Variants in SUV39H2 observed in about 807,000 individuals in gnomAD.
The protein encoded by SUV39H2 is SUV39H2 histone lysine methyltransferase.
A neutral mutation model predicts 47.5 loss-of-function variants in SUV39H2; 10 were observed. The ratio of observed to expected loss-of-function variants is 0.21; its 90% CI spans 0.13 to 0.36. SUV39H2 has a LOEUF of 0.36. SUV39H2 is among the 10% of genes least tolerant of loss of function. The pLI is 1.00. For missense variants in SUV39H2, 266 were observed against 487.4 expected, an observed-to-expected ratio of 0.55 and a Z score of 4.28; for synonymous variants, 159 against 166.8, an observed-to-expected ratio of 0.95 and a Z score of 0.36.
intron 2 of SUV39H2, among the ~76,000 whole-genome samples, chr10:14,882,698 C>G (rs1000927363): frequency 2.7e-4 from 41 of 152,122 alleles, no homozygotes; most frequent in Middle Eastern, 3.2e-3. Context: ...GGGTTTCTTA[C>G]TCTATCCATT....
chr10:14,903,991 T>G lies in SUV39H2; in HGVS notation c.*1479T>G, dbSNP rs542619141. 6.6e-6 allele frequency: 1 copy of G among 152,332 alleles called. No individual in the cohort carries two copies. The highest frequency in any genetic ancestry group is 2.4e-5 in the African/African-American group (1 of 41,590). 9.4% of individuals were successfully genotyped at this position (152,332 alleles called of 1,614,324 possible). A position where few individuals can be genotyped will look rare whatever the true frequency, so the allele number is the denominator to read the frequency against. ...TTGTTTACATGATTGGACCCTCAGA[T>G]TCTGTTAACCAAAATTGCAGAATGG... On this transcript the variant is annotated 3_prime_UTR_variant, in exon 6 of 6. Coordinates refer to ENST00000354919, the MANE Select transcript of SUV39H2 (RefSeq NM_001193424.2).
At chr10:14,887,035 G>T (rs1833232393) in intron 2 of SUV39H2, among the ~76,000 whole-genome samples, 1 of 152,154 alleles carries the variant, frequency 6.6e-6, no homozygotes, top group African/African-American at 2.4e-5. Context: ...GGAGTTAGTT[G>T]GCAGGTTCTA....
At position 14,894,390 on chromosome 10, in the gene SUV39H2, C is replaced by T. The variant is rs1276657148; in HGVS notation, c.178-2456C>T. Among the ~76,000 whole-genome samples, 4 of 36,234 alleles carry T rather than the reference C, an allele frequency of 1.1e-4. 1 individual carries two copies. The highest frequency in any genetic ancestry group is 1.5e-4 in the Non-Finnish European group (4 of 26,968). The allele number at this position is 36,234 out of a possible 152,430, so 23.8% of individuals were successfully genotyped here. A position where few individuals can be genotyped will look rare whatever the true frequency, so the allele number is the denominator to read the frequency against. On this transcript the variant is annotated intron_variant, in intron 2 of 5. Transcript: ENST00000354919. Reference sequence around the variant, plus strand: ...TTTTTTTTTTTTTTTTTTTTTGAGACGGAGTCTCGCTCTGTCGCCCAGGCT... The same window carrying T: ...TTTTTTTTTTTTTTTTTTTTTGAGATGGAGTCTCGCTCTGTCGCCCAGGCT...
Position 14,902,438 on chromosome 10 carries a change from C to T in SUV39H2, c.1159C>T (p.His387Tyr). 1 of 1,610,440 alleles carries T rather than the reference C, an allele frequency of 6.2e-7. No homozygotes were observed. The highest frequency in any genetic ancestry group is 8.5e-7 in the Non-Finnish European group (1 of 1,178,886). ...AGATATATCTTCAGATTCTATTGAC[C>T]ACAGCCCAGCCAAAAAGAGGGTCAG... ...SGDISSDSID[H>Y]SPAKKRVRTV... The change falls in exon 6 of 6, where the codon CAC becomes TAC. Residue 387 changes from histidine to tyrosine, a missense_variant. Transcript: ENST00000354919.
intron 2 of SUV39H2, among the ~76,000 whole-genome samples, chr10:14,882,985 C>A (rs755193936): frequency 6.6e-6 from 1 of 151,812 alleles, no homozygotes; most frequent in Non-Finnish European, 1.5e-5. Context: ...CTCCTGTCTC[C>A]GCCTCCTGAG....
chr10:14,890,929 C>A (rs943591409), intron 2 of SUV39H2, among the ~76,000 whole-genome samples: 2 of 152,116 alleles, frequency 1.3e-5, no homozygotes, highest in African/African-American at 4.8e-5. Flanking sequence ...ATATTACATA[C>A]CTTTTGGTAC....
intron 1 of SUV39H2, chr10:14,879,144 C>T: frequency 8.1e-7 from 1 of 1,228,466 alleles, no homozygotes; most frequent in Non-Finnish European, 1.0e-6. Context: ...ACTGTCCGAG[C>T]CTGGGGCACT....
intron 2 of SUV39H2, among the ~76,000 whole-genome samples, chr10:14,883,918 A>C (rs1032207087): frequency 6.6e-6 from 1 of 152,278 alleles, no homozygotes; most frequent in South Asian, 2.1e-4. Context: ...CATTTCATAT[A>C]AAAGGAATCA....
chr10:14,897,364 G>A lies in SUV39H2; in HGVS notation c.696G>A (p.Arg232=). 1 of 1,613,018 alleles carries A rather than the reference G, an allele frequency of 6.2e-7. No individual in the cohort carries two copies. Among genetic ancestry groups the A allele is most frequent in the Middle Eastern group, 1.6e-4 (1 of 6,062 alleles). ...PGTPIYECNS[R]CQCGPDCPNR... is the part of the protein sequence containing the mutation. ...CTCCCATCTATGAATGCAACTCAAGGTGTCAGTGTGGTCCTGATTGTCCCA... is the reference window on the plus strand; with the variant it reads ...CTCCCATCTATGAATGCAACTCAAGATGTCAGTGTGGTCCTGATTGTCCCA... The change falls in exon 3 of 6, where the codon AGG becomes AGA. Residue 232 remains arginine, a synonymous_variant. Coordinates refer to ENST00000354919, the MANE Select transcript of SUV39H2 (RefSeq NM_001193424.2).
chr10:14,896,930 T>C lies in SUV39H2; in HGVS notation c.262T>C (p.Leu88=), dbSNP rs1380149329. The change falls in exon 3 of 6, where the codon TTA becomes CTA. Residue 88 remains leucine, a synonymous_variant. Coordinates refer to ENST00000354919, the MANE Select transcript of SUV39H2 (RefSeq NM_001193424.2). ...WEPLQNLKCP[L]LLQQFSNDKH... ...ACCTTTGCAAAATCTGAAGTGCCCG[T>C]TACTGCTTCAGCAATTCTCTAATGA... 3 of 1,613,990 alleles carry C rather than the reference T, an allele frequency of 1.9e-6. No homozygotes were observed. The South Asian group carries it at 3.3e-5, about 18-fold the overall frequency.
At position 14,904,151 on chromosome 10, in the gene SUV39H2, A is replaced by T. The variant is rs772591940; in HGVS notation, c.*1639A>T. On this transcript the variant is annotated 3_prime_UTR_variant, in exon 6 of 6. Coordinates refer to ENST00000354919, the MANE Select transcript of SUV39H2 (RefSeq NM_001193424.2). Reference sequence around the variant, plus strand: ...GAAACCCTGTCTCTACTGAAAATACAAAAATTAGCCGGGCGTGGTGGCACA... The same window carrying T: ...GAAACCCTGTCTCTACTGAAAATACTAAAATTAGCCGGGCGTGGTGGCACA... 1 of 152,042 alleles carries T rather than the reference A, an allele frequency of 6.6e-6. No individual in the cohort carries two copies. Among genetic ancestry groups the T allele is most frequent in the South Asian group, 2.1e-4 (1 of 4,812 alleles). 9.4% of individuals were successfully genotyped at this position (152,042 alleles called of 1,614,324 possible). A position where few individuals can be genotyped will look rare whatever the true frequency, so the allele number is the denominator to read the frequency against.
intron 2 of SUV39H2, among the ~76,000 whole-genome samples, chr10:14,895,373 G>T (rs891285014): frequency 3.3e-5 from 5 of 151,954 alleles, no homozygotes; most frequent in South Asian, 2.1e-4. Flanking sequence ...ACAGGGTTTC[G>T]CCATATTGGC....
intron 4 of SUV39H2, among the ~76,000 whole-genome samples, chr10:14,900,345 A>T (rs1250456441): frequency 6.6e-6 from 1 of 152,190 alleles, no homozygotes; most frequent in Non-Finnish European, 1.5e-5. Flanking sequence ...GGGTGACATT[A>T]TCTGCATTTT....
chr10:14,892,010 C>G (rs7922501), intron 2 of SUV39H2, among the ~76,000 whole-genome samples: 5,240 of 152,286 alleles, frequency 0.034, 323 homozygotes, highest in African/African-American at 0.12. Context: ...GCTTTCATCA[C>G]ATTCTCCAAA....
chr10:14,885,235 G>A (rs545088847), intron 2 of SUV39H2, among the ~76,000 whole-genome samples: 2 of 152,190 alleles, frequency 1.3e-5, no homozygotes, highest in East Asian at 3.9e-4. Flanking sequence ...ATACCCTACA[G>A]GTATCCAAGT....
chr10:14,883,566 A>G (rs925083084), intron 2 of SUV39H2, among the ~76,000 whole-genome samples: 1 of 151,738 alleles, frequency 6.6e-6, no homozygotes, highest in African/African-American at 2.4e-5. Context: ...TTAGCCGGGC[A>G]TGGTGGCGGG....
chr10:14,881,807 T>C (rs921466979), intron 2 of SUV39H2, among the ~76,000 whole-genome samples, 162 bp downstream of exon 2: 1 of 152,240 alleles, frequency 6.6e-6, no homozygotes, highest in Non-Finnish European at 1.5e-5. Flanking sequence ...CCAAATAGCA[T>C]TGAGAGGATT....
chr10:14,895,878 T>A (rs995426782), intron 2 of SUV39H2, among the ~76,000 whole-genome samples: 6 of 152,226 alleles, frequency 3.9e-5, no homozygotes, highest in Non-Finnish European at 8.8e-5. Context: ...GTGTTCTTTT[T>A]TTTGTATGAT....
chr10:14,881,897 G>A (rs1833049234), intron 2 of SUV39H2, among the ~76,000 whole-genome samples: 1 of 152,202 alleles, frequency 6.6e-6, no homozygotes, highest in Admixed American at 6.5e-5. Context: ...TTATCTCCGT[G>A]TGGGTTACCA....
Sources: gnomAD v4.1 joint callset for allele counts (sites outside exome capture counted in the v4.1 genomes callset) on GRCh38, gnomAD v4.1.1 for gene constraint, MANE v1.5 for transcripts, NCBI Gene and HGNC (gene_info 2026-07-23, HGNC 2026-07-21) for gene names.